Variants in TAFA1 observed in about 807,000 individuals in gnomAD.
The protein encoded by TAFA1 is chemokine-like protein TAFA-1.
TAFA1 carries 4 observed loss-of-function variants against 18.5 expected under a neutral mutation model. The observed-to-expected ratio is 0.22, with a 90% CI of 0.11 to 0.49. The LOEUF (loss-of-function observed/expected upper bound fraction) is 0.49. Among genes scored for constraint, TAFA1 ranks in the 20% least tolerant of loss-of-function variants. The pLI is 0.98. For synonymous variants in TAFA1, 56 were observed against 55.2 expected (o/e 1.01, Z -0.06); for missense variants, 147 against 169.0 (o/e 0.87, Z 0.72).
At chr3:68,309,432 G>A (rs1438619319) in intron 2 of TAFA1, among the ~76,000 whole-genome samples, 1 of 151,934 alleles carries the variant, frequency 6.6e-6, no homozygotes, top group African/African-American at 2.4e-5. Context: ...ATACTAACAC[G>A]AACTTTGTAC....
intron 2 of TAFA1, among the ~76,000 whole-genome samples, chr3:68,075,792 G>A (rs1165032995): frequency 6.6e-6 from 1 of 151,654 alleles, no homozygotes; most frequent in Admixed American, 6.6e-5. Flanking sequence ...GACCTTCCAG[G>A]CTCAGGCCAT....
intron 2 of TAFA1, among the ~76,000 whole-genome samples, chr3:68,184,968 T>C (rs1428083694): frequency 1.3e-5 from 2 of 152,146 alleles, no homozygotes; most frequent in East Asian, 1.9e-4. Flanking sequence ...CAATTTCTCA[T>C]TTGAAATGCT....
At chr3:68,425,175 T>C (rs1331412942) in intron 3 of TAFA1, among the ~76,000 whole-genome samples, 1 of 151,934 alleles carries the variant, frequency 6.6e-6, no homozygotes, top group Non-Finnish European at 1.5e-5. Context: ...TTCACAAATA[T>C]TAAACGTTTT....
At chr3:68,203,427 C>T (rs1272741407) in intron 2 of TAFA1, among the ~76,000 whole-genome samples, 4 of 151,734 alleles carry the variant, frequency 2.6e-5, no homozygotes, top group African/African-American at 7.3e-5. Flanking sequence ...CTTGCTCTGA[C>T]TTTTCAAACT....
intron 2 of TAFA1, among the ~76,000 whole-genome samples, chr3:68,257,650 A>G (rs2067325455): frequency 2.0e-5 from 3 of 152,148 alleles, no homozygotes. Context: ...AGGAAATAAT[A>G]CTTCTTCATG....
intron 2 of TAFA1, among the ~76,000 whole-genome samples, chr3:68,231,267 A>G (rs574047144): frequency 6.6e-6 from 1 of 151,980 alleles, no homozygotes; most frequent in East Asian, 1.9e-4. Flanking sequence ...TTACCAACAC[A>G]TAGCTTACAC....
At chr3:68,536,884 A>G (rs1333003096) in intron 3 of TAFA1, among the ~76,000 whole-genome samples, 2 of 151,952 alleles carry the variant, frequency 1.3e-5, no homozygotes, top group African/African-American at 4.8e-5. Context: ...GGTAACCACA[A>G]CTCATATCAA....
intron 2 of TAFA1, among the ~76,000 whole-genome samples, chr3:68,284,078 C>A (rs2067953393): frequency 6.6e-6 from 1 of 151,780 alleles, no homozygotes; most frequent in South Asian, 2.1e-4. Flanking sequence ...TAGATACCCA[C>A]CTTGGCCAAG....
In TAFA1 at chr3:68,373,133, G is replaced by A. The variant is rs1350428179; in HGVS notation, c.119-44147G>A. ...CTAACACAGTGCCTGGCACATAGCA[G>A]GCACAGAGAAAATATTTGTGGGAGG... On this transcript the variant is annotated intron_variant, in intron 2 of 4. Transcript: ENST00000478136. Among the ~76,000 whole-genome samples the A allele has an allele frequency of 2.6e-5, 4 of 152,178 alleles. No individual in the cohort carries two copies. In the East Asian group the frequency reaches 7.7e-4, roughly 29 times the overall value.
intron 2 of TAFA1, among the ~76,000 whole-genome samples, chr3:68,182,007 G>A (rs1334576175): frequency 6.6e-6 from 1 of 152,108 alleles, no homozygotes; most frequent in African/African-American, 2.4e-5. Flanking sequence ...GGGAGCTTGA[G>A]ACCAGCCTGG....
At chr3:68,221,057 G>C (rs1407036367) in intron 2 of TAFA1, among the ~76,000 whole-genome samples, 1 of 152,114 alleles carries the variant, frequency 6.6e-6, no homozygotes, top group African/African-American at 2.4e-5. Context: ...CAAGTCCCAC[G>C]GGTCACACAA....
At chr3:68,399,756 T>C (rs575694991) in intron 2 of TAFA1, among the ~76,000 whole-genome samples, 1 of 152,304 alleles carries the variant, frequency 6.6e-6, no homozygotes, top group African/African-American at 2.4e-5. Context: ...ATCTACTCAA[T>C]GAGGTACATA....
chr3:68,157,342 A>T (rs191376114), intron 2 of TAFA1, among the ~76,000 whole-genome samples: 1 of 152,342 alleles, frequency 6.6e-6, no homozygotes, highest in African/African-American at 2.4e-5. Flanking sequence ...GATATTAAAA[A>T]TAATTGCAAT....
intron 2 of TAFA1, among the ~76,000 whole-genome samples, chr3:68,194,535 A>C (rs1366968609): frequency 6.6e-6 from 1 of 151,764 alleles, no homozygotes; most frequent in East Asian, 1.9e-4. Flanking sequence ...GTACTAAAAA[A>C]ATTTAACTAA....
chr3:68,422,774 A>G (rs568408784), intron 3 of TAFA1, among the ~76,000 whole-genome samples: 8 of 152,160 alleles, frequency 5.3e-5, no homozygotes, highest in Non-Finnish European at 1.0e-4. Context: ...TACTTATAAA[A>G]GCATTATATC....
rs569051906 is a variant in TAFA1 at position 68,300,289 on chromosome 3, C to A, written c.119-116991C>A. On this transcript the variant is annotated intron_variant, in intron 2 of 4. Coordinates refer to ENST00000478136, the MANE Select transcript of TAFA1 (RefSeq NM_213609.4). Reference sequence around the variant, plus strand: ...TGTGAGACATGGAGTCAAAGGAGATCATTTGGGGACTTTAATAATGACTGC... The same window carrying A: ...TGTGAGACATGGAGTCAAAGGAGATAATTTGGGGACTTTAATAATGACTGC... 6.3e-4 allele frequency among the ~76,000 whole-genome samples: 96 copies of A among 152,234 alleles called. 2 individuals are homozygous for A. In the Middle Eastern group the frequency reaches 0.014, roughly 22 times the overall value.
intron 3 of TAFA1, among the ~76,000 whole-genome samples, chr3:68,516,899 G>T (rs769654780): frequency 6.6e-6 from 1 of 151,890 alleles, no homozygotes; most frequent in African/African-American, 2.4e-5. Flanking sequence ...TCAGTCTCCC[G>T]AGTAGCTGGG....
At chr3:68,474,811 G>T (rs913091377) in intron 3 of TAFA1, among the ~76,000 whole-genome samples, 6 of 152,136 alleles carry the variant, frequency 3.9e-5, no homozygotes, top group Non-Finnish European at 8.8e-5. Flanking sequence ...TAGTACAGGA[G>T]GAAATATAGC....
chr3:68,165,967 C>T (rs965227562), intron 2 of TAFA1, among the ~76,000 whole-genome samples: 2 of 152,220 alleles, frequency 1.3e-5, no homozygotes, highest in Non-Finnish European at 2.9e-5. Context: ...GGGAATAGTT[C>T]ATTCTGGCTA....
Sources: gnomAD v4.1 joint callset for allele counts (sites outside exome capture counted in the v4.1 genomes callset) on GRCh38, gnomAD v4.1.1 for gene constraint, MANE v1.5 for transcripts, NCBI Gene and HGNC (gene_info 2026-07-23, HGNC 2026-07-21) for gene names.